The following CADPS variants were observed in gnomAD, a reference collection of about 807,000 sequenced individuals.
The protein encoded by CADPS is calcium-dependent secretion activator 1.
In CADPS, 57 loss-of-function variants were observed where a neutral mutation model predicts 167.3. The observed-to-expected ratio is 0.34, with a 90% CI of 0.28 to 0.42. The LOEUF (loss-of-function observed/expected upper bound fraction) is 0.42. Ranked by LOEUF, CADPS falls within the 20% of genes least tolerant of loss-of-function variation. The pLI is 1.00. For synonymous variants in CADPS, 676 were observed against 635.3 expected (o/e 1.06, Z -0.96); for missense variants, 1,414 against 1,738.1 (o/e 0.81, Z 3.32).
At chr3:62,523,218 T>C (rs975395619) in intron 13 of CADPS, among the ~76,000 whole-genome samples, 1 of 152,094 alleles carries the variant, frequency 6.6e-6, no homozygotes, top group Non-Finnish European at 1.5e-5. Flanking sequence ...GAAACTACCA[T>C]AACCCAGCTG....
At chr3:62,598,038 T>C (rs2059172804) in intron 6 of CADPS, among the ~76,000 whole-genome samples, 1 of 152,192 alleles carries the variant, frequency 6.6e-6, no homozygotes, top group African/African-American at 2.4e-5. Flanking sequence ...TTCAAGGTAC[T>C]AAAATATAAA....
chr3:62,700,738 G>T (rs559482675), intron 3 of CADPS, among the ~76,000 whole-genome samples: 1 of 152,228 alleles, frequency 6.6e-6, no homozygotes, highest in African/African-American at 2.4e-5. Flanking sequence ...GCTCAGTTTA[G>T]GGCTGGGAAA....
chr3:62,401,832 A>C (rs1706321968), intron 29 of CADPS, among the ~76,000 whole-genome samples: 1 of 152,072 alleles, frequency 6.6e-6, no homozygotes, highest in South Asian at 2.1e-4. Context: ...ACCAATCTGG[A>C]AATAGAAATA....
intron 2 of CADPS, 66 bp downstream of exon 2, chr3:62,765,805 G>T (rs2086699646): frequency 1.0e-6 from 1 of 999,374 alleles, no homozygotes. Context: ...CCATTGCCCT[G>T]CAGCTCAGAC....
intron 24 of CADPS, chr3:62,473,828 G>A (rs2060916490): frequency 5.6e-6 from 1 of 177,334 alleles, no homozygotes; most frequent in African/African-American, 2.4e-5. Context: ...GTGATAAAAT[G>A]CACTTCAAAT....
chr3:62,659,730 GC>G (rs1222855553), intron 4 of CADPS, among the ~76,000 whole-genome samples: 3 of 152,194 alleles, frequency 2.0e-5, no homozygotes, highest in African/African-American at 7.2e-5. Context: ...ATCACGTGTG[GC>G]CAGGGCAGGC....
intron 1 of CADPS, among the ~76,000 whole-genome samples, chr3:62,826,846 T>G (rs1462803064): frequency 6.6e-6 from 1 of 152,178 alleles, no homozygotes; most frequent in Non-Finnish European, 1.5e-5. Context: ...GCAGCATCTC[T>G]AACCTATTCC....
chr3:62,437,726 T>G (rs1016182718), intron 28 of CADPS, among the ~76,000 whole-genome samples: 1 of 151,856 alleles, frequency 6.6e-6, no homozygotes, highest in African/African-American at 2.4e-5. Context: ...GGAGAGGGAG[T>G]TGGTCTCAGC....
intron 28 of CADPS, among the ~76,000 whole-genome samples, chr3:62,406,113 G>C (rs1412891944): frequency 2.0e-5 from 3 of 152,210 alleles, no homozygotes; most frequent in Non-Finnish European, 4.4e-5. Context: ...CTAAGGGATG[G>C]AGCAGTGTGT....
At chr3:62,550,305 T>C (rs1342707583) in intron 10 of CADPS, among the ~76,000 whole-genome samples, 190 bp from the exon 11 acceptor site, 2 of 152,144 alleles carry the variant, frequency 1.3e-5, no homozygotes, top group African/African-American at 2.4e-5. Context: ...GAAGTATTTC[T>C]GAGCCTGGAT....
chr3:62,710,383 T>A (rs935924631), intron 3 of CADPS, among the ~76,000 whole-genome samples: 21 of 151,484 alleles, frequency 1.4e-4, no homozygotes, highest in African/African-American at 4.1e-4. Context: ...GCTATTTTTT[T>A]AAAAAGTTGA....
intron 2 of CADPS, among the ~76,000 whole-genome samples, chr3:62,763,084 C>G (rs1304707291): frequency 6.6e-6 from 1 of 152,184 alleles, no homozygotes; most frequent in Non-Finnish European, 1.5e-5. Context: ...TTACATTCTT[C>G]CTGAAAATGG....
At chr3:62,541,992 T>C (rs1033882734) in intron 11 of CADPS, among the ~76,000 whole-genome samples, 3 of 152,182 alleles carry the variant, frequency 2.0e-5, no homozygotes. Context: ...TTTCCTATTA[T>C]ACTAACAGCT....
In CADPS at chr3:62,412,071, A is replaced by G. The variant is rs2049062601; in HGVS notation, c.3778-8886T>C. On this transcript the variant is annotated intron_variant, in intron 28 of 29. Coordinates refer to ENST00000383710, the MANE Select transcript of CADPS (RefSeq NM_003716.4). This position sits in a 1 kb window ranked among gnomAD's most constrained non-coding sequence, Gnocchi z 4.1. The stretch of plus-strand genomic sequence containing the variant: ...TCAGACACCGAAGCTCTAAACAGAC[A>G]CCAAAATCAGAGGGTACAGATAATC... Among the ~76,000 whole-genome samples the G allele has an allele frequency of 1.3e-5, 2 of 152,028 alleles. No homozygotes were observed. Among genetic ancestry groups the G allele is most frequent in the Admixed American group, 6.5e-5 (1 of 15,268 alleles).
intron 27 of CADPS, chr3:62,440,333 A>T (rs1354724553): frequency 1.3e-5 from 2 of 151,666 alleles, no homozygotes; most frequent in African/African-American, 2.4e-5. Flanking sequence ...AAGAAGAGTT[A>T]AAAAAAAACT....
chr3:62,574,303 G>C (rs952846647), intron 8 of CADPS, among the ~76,000 whole-genome samples: 32 of 151,204 alleles, frequency 2.1e-4, no homozygotes, highest in Non-Finnish European at 3.4e-4. Flanking sequence ...GAATGCAGGA[G>C]GGGTGACACC....
chr3:62,538,441 C>G (rs947656546), intron 11 of CADPS, among the ~76,000 whole-genome samples: 3 of 152,134 alleles, frequency 2.0e-5, no homozygotes, highest in Non-Finnish European at 2.9e-5. Context: ...CACCTCCAAC[C>G]TGTCAGTCCC....
rs562048603 is a variant in CADPS at position 62,699,654 on chromosome 3, C to T, written c.889-37260G>A. On this transcript the variant is annotated intron_variant, in intron 3 of 29. Transcript: ENST00000383710. ...TGCCATCTTGGCTTACTACATCCTC[C>T]GCCTTCCAGGTTCTAGTGATTTTCC... is the stretch of plus-strand genomic sequence containing the variant. Among the ~76,000 whole-genome samples, 40 of 152,164 alleles carry T rather than the reference C, an allele frequency of 2.6e-4. 1 individual carries two copies. Among genetic ancestry groups the T allele is most frequent in the South Asian group, 1.2e-3 (6 of 4,826 alleles).
intron 6 of CADPS, among the ~76,000 whole-genome samples, chr3:62,611,014 G>T (rs2061431099): frequency 1.3e-5 from 2 of 152,062 alleles, no homozygotes; most frequent in African/African-American, 4.8e-5. Flanking sequence ...GGAGGCTGGG[G>T]ATACTGCTAA....
Sources: gnomAD v4.1 joint callset for allele counts (sites outside exome capture counted in the v4.1 genomes callset) on GRCh38, gnomAD v4.1.1 for gene constraint, Gnocchi (gnomAD v3.1) non-coding constraint, MANE v1.5 for transcripts, NCBI Gene and HGNC (gene_info 2026-07-23, HGNC 2026-07-21) for gene names.